The following GPBP1 variants were observed in gnomAD, a reference collection of about 807,000 sequenced individuals.
GPBP1 encodes vasculin.
Under a neutral mutation model 56.5 loss-of-function variants are expected in GPBP1, and 13 were observed. That is an observed-to-expected ratio of 0.23 (90% CI 0.15 to 0.37). GPBP1 has a LOEUF of 0.37. Among genes scored for constraint, GPBP1 ranks in the 10% least tolerant of loss-of-function variants. GPBP1 has a pLI of 1.00. For missense variants in GPBP1, 477 were observed against 572.3 expected, an observed-to-expected ratio of 0.83 and a Z score of 1.70; for synonymous variants, 204 against 188.9, an observed-to-expected ratio of 1.08 and a Z score of -0.66.
intron 2 of GPBP1, among the ~76,000 whole-genome samples, chr5:57,179,774 A>G (rs185385636): frequency 2.0e-5 from 3 of 151,950 alleles, no homozygotes; most frequent in African/African-American, 7.2e-5. Flanking sequence ...CTAATATTGT[A>G]TTTTTAGAAG....
Position 57,214,951 on chromosome 5 carries a change from C to T in GPBP1, c.63+758C>T, listed in dbSNP as rs1451336463. Among the ~76,000 whole-genome samples the T allele has an allele frequency of 2.0e-5, 3 of 152,206 alleles. No individual in the cohort carries two copies. In the South Asian group the frequency reaches 6.2e-4, roughly 31 times the overall value. On this transcript the variant is annotated intron_variant, in intron 3 of 11. Transcript: ENST00000506184. ...TGCTGGGATTACAGGCATGCGCCAC[C>T]GTGCCCAGCCTGTTCTATTAGTTAA...
chr5:57,246,876 T>C (rs111750960), intron 7 of GPBP1, among the ~76,000 whole-genome samples, 199 bp from the exon 8 acceptor site: 23 of 152,310 alleles, frequency 1.5e-4, no homozygotes, highest in African/African-American at 5.3e-4. Context: ...TTTAGTTAGA[T>C]ACCTAAATGT....
chr5:57,225,830 G>A (rs566042836), intron 3 of GPBP1, among the ~76,000 whole-genome samples: 1 of 152,314 alleles, frequency 6.6e-6, no homozygotes, highest in South Asian at 2.1e-4. Flanking sequence ...ATGTGGACAT[G>A]GGCAGTCAGC....
intron 3 of GPBP1, among the ~76,000 whole-genome samples, chr5:57,223,141 A>AT (rs1455984403): frequency 6.6e-6 from 1 of 151,242 alleles, no homozygotes; most frequent in Non-Finnish European, 1.5e-5. Flanking sequence ...AATGTCCTTA[A>AT]TTTTTTTTCC....
intron 7 of GPBP1, 120 bp from the exon 8 acceptor site, chr5:57,246,955 C>G: frequency 1.3e-6 from 1 of 763,770 alleles, no homozygotes; most frequent in Non-Finnish European, 2.0e-6. Context: ...CAGTGTGATA[C>G]AAAAATAATT....
chr5:57,177,720 C>G (rs999474001), intron 2 of GPBP1, among the ~76,000 whole-genome samples: 1 of 137,104 alleles, frequency 7.3e-6, no homozygotes, highest in Non-Finnish European at 1.5e-5. Flanking sequence ...AGGCTAGCCT[C>G]GAACTCTTGA....
In GPBP1 at chr5:57,238,427, G is replaced by A. The variant is rs554493433; in HGVS notation, c.478+2395G>A. Among the ~76,000 whole-genome samples the A allele has an allele frequency of 9.2e-5, 14 of 152,194 alleles. No individual in the cohort carries two copies. The South Asian group carries it at 1.9e-3, about 20-fold the overall frequency. On this transcript the variant is annotated intron_variant, in intron 6 of 11. Transcript: ENST00000506184. ...TAAAGAATTAGCCGGGTGTGGTGGC[G>A]CATGCCTGTAATCCTAGCTACTCGG...
chr5:57,222,927 C>T (rs757312006), intron 3 of GPBP1, among the ~76,000 whole-genome samples: 2 of 151,966 alleles, frequency 1.3e-5, no homozygotes, highest in Admixed American at 6.6e-5. Context: ...CACTTAATGA[C>T]GATGGAGCAT....
chr5:57,249,653 A>C (rs964013764), intron 9 of GPBP1, 77 bp downstream of exon 9: 1 of 1,124,576 alleles, frequency 8.9e-7, no homozygotes, highest in Non-Finnish European at 1.2e-6. Flanking sequence ...AGGACCTTGG[A>C]ATACATTTGA....
At chr5:57,237,336 T>C in intron 6 of GPBP1, 1 of 628,870 alleles carries the variant, frequency 1.6e-6, no homozygotes, top group East Asian at 2.7e-5. Context: ...GTTTGTCATA[T>C]AAAACTATCT....
At chr5:57,254,905 G>A (rs1417743613) in intron 10 of GPBP1, among the ~76,000 whole-genome samples, 1 of 152,020 alleles carries the variant, frequency 6.6e-6, no homozygotes, top group Non-Finnish European at 1.5e-5. Flanking sequence ...TATTTTTATT[G>A]CCTCCCAAAT....
intron 2 of GPBP1, among the ~76,000 whole-genome samples, chr5:57,191,253 T>G (rs867637833): frequency 7.2e-5 from 11 of 152,194 alleles, no homozygotes; most frequent in Middle Eastern, 3.4e-3. Context: ...GACCAGCTAA[T>G]TCAGCTAATT....
chr5:57,233,368 C>T (rs961797930), intron 5 of GPBP1, among the ~76,000 whole-genome samples: 3 of 151,806 alleles, frequency 2.0e-5, no homozygotes, highest in Non-Finnish European at 2.9e-5. Context: ...CTGTTTTTTC[C>T]ACTTAATAAT....
At chr5:57,241,976 C>T (rs1425875356) in intron 6 of GPBP1, among the ~76,000 whole-genome samples, 1 of 152,164 alleles carries the variant, frequency 6.6e-6, no homozygotes. Flanking sequence ...AATGGGGATA[C>T]ATGATGCAAA....
At chr5:57,221,132 T>C (rs1398063378) in intron 3 of GPBP1, among the ~76,000 whole-genome samples, 1 of 152,164 alleles carries the variant, frequency 6.6e-6, no homozygotes, top group Non-Finnish European at 1.5e-5. Flanking sequence ...TTTAGCCCCA[T>C]CATGTGGTAA....
At chr5:57,209,879 T>G (rs1283463653) in intron 2 of GPBP1, among the ~76,000 whole-genome samples, 2 of 152,168 alleles carry the variant, frequency 1.3e-5, no homozygotes, top group Non-Finnish European at 2.9e-5. Flanking sequence ...GCTGCTAGAT[T>G]TGGTTTACTG....
Position 57,251,179 on chromosome 5 carries a change from G to T in GPBP1, c.1160+38G>T, listed in dbSNP as rs561251539. The stretch of plus-strand genomic sequence containing the variant: ...TTGTACTTTTTGCTCAGCATTTTCT[G>T]TATTCGAGATTTCAATATTATAGAG... On this transcript the variant is annotated intron_variant, in intron 10 of 11. Coordinates refer to ENST00000506184, the MANE Select transcript of GPBP1 (RefSeq NM_022913.4). The T allele has an allele frequency of 5.4e-6, 8 of 1,492,332 alleles. No homozygotes were observed. In the East Asian group the frequency reaches 1.9e-4, roughly 35 times the overall value. The allele number at this position is 1,492,332 out of a possible 1,614,324, so 92.4% of individuals were successfully genotyped here.
chr5:57,243,609 G>A (rs960888263), intron 6 of GPBP1, among the ~76,000 whole-genome samples: 5 of 151,430 alleles, frequency 3.3e-5, no homozygotes, highest in African/African-American at 1.2e-4. Context: ...CTTTAGGAAA[G>A]GTGAAATTTG....
At chr5:57,194,645 C>T (rs1353083531) in intron 2 of GPBP1, among the ~76,000 whole-genome samples, 2 of 152,096 alleles carry the variant, frequency 1.3e-5, no homozygotes, top group Admixed American at 6.6e-5. Context: ...CAACTAACCT[C>T]CCGCTCTTTA....
Sources: gnomAD v4.1 joint callset for allele counts (sites outside exome capture counted in the v4.1 genomes callset) on GRCh38, gnomAD v4.1.1 for gene constraint, MANE v1.5 for transcripts, NCBI Gene and HGNC (gene_info 2026-07-23, HGNC 2026-07-21) for gene names.